The following DNAJB9 variants were observed in gnomAD, a reference collection of about 807,000 sequenced individuals.
DNAJB9 encodes dnaJ homolog subfamily B member 9.
Under a neutral mutation model 19.2 loss-of-function variants are expected in DNAJB9, and 12 were observed. The observed-to-expected ratio is 0.62, with a 90% CI of 0.40 to 1.01. DNAJB9 has a LOEUF of 1.01. DNAJB9 is among the 50% of genes least tolerant of loss of function. The pLI is 0.00. For missense variants in DNAJB9, 272 were observed against 261.1 expected, an observed-to-expected ratio of 1.04 and a Z score of -0.29; for synonymous variants, 83 against 84.0, an observed-to-expected ratio of 0.99 and a Z score of 0.07.
rs1183418956 is a variant in DNAJB9, at chr7:108,574,501, A to T, written c.*1148A>T. On this transcript the variant is annotated 3_prime_UTR_variant, in exon 3 of 3. Coordinates refer to ENST00000249356, the MANE Select transcript of DNAJB9 (RefSeq NM_012328.3). ...CATATGCTGATCACAGGCTATATTC[A>T]TGAAGTTACTTTTGACCAACCTGAA... 2 of 152,228 alleles carry T rather than the reference A, an allele frequency of 1.3e-5. No individual in the cohort carries two copies. Among genetic ancestry groups the T allele is most frequent in the Non-Finnish European group, 2.9e-5 (2 of 68,026 alleles). 9.4% of individuals were successfully genotyped at this position (152,228 alleles called of 1,614,324 possible). A position where few individuals can be genotyped will look rare whatever the true frequency, so the allele number is the denominator to read the frequency against.
rs1043615 is a variant in DNAJB9 at position 108,571,909 on chromosome 7, G to A, written c.183G>A (p.Pro61=). ...ACCACCCTGACAAAAATAAGAGCCC[G>A]GATGCTGAAGCAAAATTCAGAGAGA... ...MKYHPDKNKS[P]DAEAKFREIA... The change falls in exon 2 of 3, where the codon CCG becomes CCA. Residue 61 remains proline, a synonymous_variant. Transcript: ENST00000249356. 833,427 of 1,613,686 alleles carry A rather than the reference G, an allele frequency of 0.52. 218,132 individuals carry two copies. The highest frequency in any genetic ancestry group is 0.6 in the Admixed American group (36,258 of 59,986).
Position 108,569,933 on chromosome 7 carries a change from G to C in DNAJB9, c.-181G>C. 1 of 362,690 alleles carries C rather than the reference G, an allele frequency of 2.8e-6. No individual in the cohort carries two copies. The allele number at this position is 362,690 out of a possible 1,614,324, so 22.5% of individuals were successfully genotyped here. On this transcript the variant is annotated 5_prime_UTR_variant, in exon 1 of 3. Coordinates refer to ENST00000249356, the MANE Select transcript of DNAJB9 (RefSeq NM_012328.3). ...GAGGAGCTGGCTGAGAGGGGACTGG[G>C]CGCCGGCGGGGAAGGAGGAGCGCTA...
At position 108,572,973 on chromosome 7, in the gene DNAJB9, A is replaced by T; in HGVS notation, c.292A>T (p.Lys98Ter). ...TLGHSAFTSG[K>*]GQRGSGSSFE... ...TGGACACAGTGCTTTTACTAGTGGTAAAGGACAAAGAGGTAGTGGAAGTTC... is the reference window on the plus strand; with the variant it reads ...TGGACACAGTGCTTTTACTAGTGGTTAAGGACAAAGAGGTAGTGGAAGTTC... Residue 98 changes from lysine (K) to a stop codon, truncating the protein, a stop_gained, in exon 3 of 3, where the codon AAA becomes TAA. Coordinates refer to ENST00000249356, the MANE Select transcript of DNAJB9 (RefSeq NM_012328.3). LOFTEE classifies it high-confidence loss of function. The T allele has an allele frequency of 6.2e-7, 1 of 1,614,088 alleles. No individual in the cohort carries two copies. Among genetic ancestry groups the T allele is most frequent in the Non-Finnish European group, 8.5e-7 (1 of 1,179,940 alleles).
intron 1 of DNAJB9, among the ~76,000 whole-genome samples, chr7:108,570,567 C>T (rs556473697): frequency 1.3e-5 from 2 of 152,294 alleles, no homozygotes; most frequent in Admixed American, 1.3e-4. Flanking sequence ...ACCAGTGAGG[C>T]GCCTCCCTGT....
At position 108,573,594 on chromosome 7, in the gene DNAJB9, G is replaced by A. The variant is rs1258710202; in HGVS notation, c.*241G>A. 9.0e-6 allele frequency: 3 copies of A among 333,774 alleles called. No individual in the cohort carries two copies. The highest frequency in any genetic ancestry group is 4.5e-5 in the Admixed American group (1 of 22,300). 20.7% of individuals were successfully genotyped at this position (333,774 alleles called of 1,614,324 possible). On this transcript the variant is annotated 3_prime_UTR_variant, in exon 3 of 3. Transcript: ENST00000249356. ...TTTAAAAAACACGTAATTTTGCCTAGTGCTTTTTCTCTACCTGCCCTTGGG... is the reference window on the plus strand; with the variant it reads ...TTTAAAAAACACGTAATTTTGCCTAATGCTTTTTCTCTACCTGCCCTTGGG...
At chr7:108,570,593 C>T (rs928736799) in intron 1 of DNAJB9, among the ~76,000 whole-genome samples, 5 of 152,212 alleles carry the variant, frequency 3.3e-5, no homozygotes, top group African/African-American at 1.2e-4. Context: ...TTAGATCCGC[C>T]CTTTGACTAG....
In DNAJB9 at chr7:108,569,937, C is replaced by T. The variant is rs1006043401; in HGVS notation, c.-177C>T. 21 of 347,144 alleles carry T rather than the reference C, an allele frequency of 6.0e-5. No homozygotes were observed. Among genetic ancestry groups the T allele is most frequent in the African/African-American group, 3.3e-4 (16 of 48,302 alleles). 21.5% of individuals were successfully genotyped at this position (347,144 alleles called of 1,614,324 possible). On this transcript the variant is annotated 5_prime_UTR_variant, in exon 1 of 3. Transcript: ENST00000249356. ...AGCTGGCTGAGAGGGGACTGGGCGC[C>T]GGCGGGGAAGGAGGAGCGCTAGGTC...
At position 108,573,342 on chromosome 7, in the gene DNAJB9, TC is replaced by T; in HGVS notation, c.662del (p.Ser221Ter). 6.4e-7 allele frequency: 1 copy of T among 1,568,544 alleles called. No homozygotes were observed. The highest frequency in any genetic ancestry group is 8.6e-7 in the Non-Finnish European group (1 of 1,159,142). On this transcript the variant is annotated frameshift_variant, in exon 3 of 3. Transcript: ENST00000249356. LOFTEE classifies it high-confidence loss of function. ...GNMVTTYTDCSGQ is the reference protein window; with the variant it reads ...GNMVTTYTDCXGQ ...TATGGTTACTACATACACTGACTGT[TC>T]AGGACAGTAGTTCTTATTCTATTCT...
At chr7:108,572,618 C>T (rs921289041) in intron 2 of DNAJB9, among the ~76,000 whole-genome samples, 3 of 152,156 alleles carry the variant, frequency 2.0e-5, no homozygotes, top group Admixed American at 1.3e-4. Context: ...TTGTTGCCCA[C>T]ATGTTTATTT....
At chr7:108,570,310 G>T (rs1007281457) in intron 1 of DNAJB9, among the ~76,000 whole-genome samples, 4 of 152,108 alleles carry the variant, frequency 2.6e-5, no homozygotes, top group Admixed American at 1.3e-4. Context: ...TTTCACGGGC[G>T]CCGGATTAGA....
intron 1 of DNAJB9, among the ~76,000 whole-genome samples, chr7:108,571,449 T>A (rs1344428874): frequency 6.6e-6 from 1 of 152,108 alleles, no homozygotes; most frequent in African/African-American, 2.4e-5. Flanking sequence ...TGGTTAAAAG[T>A]CAGTTATTGA....
Position 108,570,114 on chromosome 7 carries a change from A to G in DNAJB9, c.-11+11A>G. 1 of 158,048 alleles carries G rather than the reference A, an allele frequency of 6.3e-6. No individual in the cohort carries two copies. Among genetic ancestry groups the G allele is most frequent in the Non-Finnish European group, 1.4e-5 (1 of 70,930 alleles). 9.8% of individuals were successfully genotyped at this position (158,048 alleles called of 1,614,324 possible). On this transcript the variant is annotated intron_variant, in intron 1 of 2. Transcript: ENST00000249356. ...AGTCGGAGGGTGCAGGTGAGGGACG[A>G]GGCCGGGGTCGTGGGGAGGGGAGTT...
At chr7:108,572,868 CAGTTACTAAA>C in intron 2 of DNAJB9, 21 bp from the exon 3 acceptor site, 1 of 1,523,544 alleles carries the variant, frequency 6.6e-7, no homozygotes, top group Non-Finnish European at 8.9e-7. Context: ...ATTTTACCTT[CAGTTACTAAA>C]AATATTTTTG....
intron 1 of DNAJB9, 131 bp from the exon 2 acceptor site, chr7:108,571,586 A>T: frequency 1.5e-6 from 1 of 688,736 alleles, no homozygotes; most frequent in South Asian, 2.0e-5. Context: ...TTACATGTGG[A>T]CAGGTAATAG....
rs767054729 is a variant in DNAJB9 at position 108,571,919 on chromosome 7, G to A, written c.193G>A (p.Ala65Thr). 6.2e-7 allele frequency: 1 copy of A among 1,614,140 alleles called. No homozygotes were observed. Among genetic ancestry groups the A allele is most frequent in the Non-Finnish European group, 8.5e-7 (1 of 1,179,998 alleles). Residue 65 changes from alanine (A) to threonine (T), a missense_variant, in exon 2 of 3, where the codon GCA becomes ACA. By Grantham distance (58) the Ala-to-Thr change is moderately conservative (BLOSUM62 0). Transcript: ENST00000249356. The stretch of plus-strand genomic sequence containing the variant: ...CAAAAATAAGAGCCCGGATGCTGAA[G>A]CAAAATTCAGAGAGATTGCAGAAGG... ...PDKNKSPDAE[A>T]KFREIAEAYE...
chr7:108,570,773 CA>C (rs1790606860), intron 1 of DNAJB9, among the ~76,000 whole-genome samples: 1 of 152,148 alleles, frequency 6.6e-6, no homozygotes, highest in African/African-American at 2.4e-5. Flanking sequence ...GGAAGCCAGG[CA>C]ATTTCCACAA....
Position 108,573,613 on chromosome 7 carries a change from C to T in DNAJB9, c.*260C>T, listed in dbSNP as rs995470876. ...TGCCTAGTGCTTTTTCTCTACCTGC[C>T]CTTGGGCTCACTAATATCACCAGTA... is the stretch of plus-strand genomic sequence containing the variant. On this transcript the variant is annotated 3_prime_UTR_variant, in exon 3 of 3. Transcript: ENST00000249356. 2 of 301,476 alleles carry T rather than the reference C, an allele frequency of 6.6e-6. No homozygotes were observed. Among genetic ancestry groups the T allele is most frequent in the African/African-American group, 4.3e-5 (2 of 46,218 alleles). 18.7% of individuals were successfully genotyped at this position (301,476 alleles called of 1,614,324 possible). A position where few individuals can be genotyped will look rare whatever the true frequency, so the allele number is the denominator to read the frequency against.
intron 1 of DNAJB9, among the ~76,000 whole-genome samples, chr7:108,571,405 C>A (rs916366345): frequency 6.6e-6 from 1 of 150,618 alleles, no homozygotes; most frequent in African/African-American, 2.4e-5. Context: ...TTTTTTCTTA[C>A]AATGCTTGCA....
chr7:108,574,450 G>T lies in DNAJB9; in HGVS notation c.*1097G>T, dbSNP rs943824186. On this transcript the variant is annotated 3_prime_UTR_variant, in exon 3 of 3. Transcript: ENST00000249356. ...AAAAGTTTATTATGCAACTCTGGAGGTATAGAGGGCATATAAGCTATGGGA... is the reference window on the plus strand; with the variant it reads ...AAAAGTTTATTATGCAACTCTGGAGTTATAGAGGGCATATAAGCTATGGGA... The T allele has an allele frequency of 1.3e-5, 2 of 152,160 alleles. No homozygotes were observed. The highest frequency in any genetic ancestry group is 2.9e-5 in the Non-Finnish European group (2 of 68,002). 9.4% of individuals were successfully genotyped at this position (152,160 alleles called of 1,614,324 possible).
Sources: allele counts gnomAD v4.1 joint callset (sites outside exome capture counted in the v4.1 genomes callset), GRCh38; gene constraint gnomAD v4.1.1; transcripts MANE v1.5; gene names NCBI Gene and HGNC (gene_info 2026-07-23, HGNC 2026-07-21).